Variants in LNPEP observed in about 807,000 individuals in gnomAD.
LNPEP encodes leucyl-cystinyl aminopeptidase.
In LNPEP, 64 loss-of-function variants were observed where a neutral mutation model predicts 120.6. The observed-to-expected ratio is 0.53, with a 90% CI of 0.43 to 0.65. The LOEUF is 0.65. LNPEP is among the 30% of genes least tolerant of loss of function. The pLI is 0.00. For missense variants in LNPEP, 1,057 were observed against 1,200.0 expected, an observed-to-expected ratio of 0.88 and a Z score of 1.76; for synonymous variants, 435 against 425.4, an observed-to-expected ratio of 1.02 and a Z score of -0.28.
intron 1 of LNPEP, among the ~76,000 whole-genome samples, chr5:96,971,014 C>A (rs1333740184): frequency 1.3e-5 from 2 of 151,992 alleles, no homozygotes; most frequent in African/African-American, 4.8e-5. Context: ...TCCTGAAGAA[C>A]CTCCTTTAAA....
chr5:97,022,939 T>C (rs980754455), intron 14 of LNPEP, among the ~76,000 whole-genome samples: 2 of 151,876 alleles, frequency 1.3e-5, no homozygotes, highest in Non-Finnish European at 2.9e-5. Flanking sequence ...ACATAAAATT[T>C]ACTGTCTTAA....
At position 97,026,753 on chromosome 5, in the gene LNPEP, C is replaced by T. The variant is rs767210931; in HGVS notation, c.2860C>T (p.Gln954Ter). The T allele has an allele frequency of 6.2e-7, 1 of 1,610,414 alleles. No homozygotes were observed. The highest frequency in any genetic ancestry group is 1.1e-5 in the South Asian group (1 of 90,606). Residue 954 changes from glutamine to a stop codon, truncating the protein, a stop_gained, in exon 16 of 18, where the codon CAG becomes TAG. Coordinates refer to ENST00000231368, the MANE Select transcript of LNPEP (RefSeq NM_005575.3). LOFTEE classifies it high-confidence loss of function. ...CAAAGAGAACTGGAATAAGCTTGTA[C>T]AGAAGTAAGTTTCTCAGAGAATTAT... ...FVKENWNKLV[Q>*]KFPLGSYTIQ... is the part of the protein sequence containing the mutation.
intron 1 of LNPEP, chr5:96,943,176 T>C (rs940869835): frequency 7.1e-5 from 35 of 492,434 alleles, no homozygotes; most frequent in Non-Finnish European, 1.0e-4. Context: ...GAAGTCACCA[T>C]TGCAGATGCT....
At chr5:96,940,589 G>A (rs969629316) in intron 1 of LNPEP, among the ~76,000 whole-genome samples, 1 of 152,220 alleles carries the variant, frequency 6.6e-6, no homozygotes, top group Admixed American at 6.5e-5. Flanking sequence ...GTCTAAGACA[G>A]TATTCTAATT....
At chr5:97,025,069 C>G (rs1336915333) in intron 15 of LNPEP, among the ~76,000 whole-genome samples, 2 of 152,136 alleles carry the variant, frequency 1.3e-5, no homozygotes, top group Non-Finnish European at 2.9e-5. Flanking sequence ...ATTAAACCTT[C>G]TAGGTTCTAC....
intron 1 of LNPEP, among the ~76,000 whole-genome samples, chr5:96,971,121 A>G (rs955213336): frequency 5.3e-5 from 8 of 151,946 alleles, no homozygotes; most frequent in Admixed American, 1.3e-4. Context: ...TTGATTTTGA[A>G]GCATATTTTC....
At chr5:96,989,133 C>T (rs539724161) in intron 4 of LNPEP, among the ~76,000 whole-genome samples, 1 of 150,776 alleles carries the variant, frequency 6.6e-6, no homozygotes, top group Admixed American at 6.6e-5. Flanking sequence ...TAAACATAGA[C>T]TCTGGAGTCT....
chr5:96,988,513 T>A (rs917633484), intron 4 of LNPEP, among the ~76,000 whole-genome samples: 1 of 151,828 alleles, frequency 6.6e-6, no homozygotes, highest in African/African-American at 2.4e-5. Context: ...TAATTTTTTG[T>A]ATTTTTGGTA....
At chr5:96,981,415 G>C (rs1406920454) in intron 2 of LNPEP, among the ~76,000 whole-genome samples, 1 of 152,038 alleles carries the variant, frequency 6.6e-6, no homozygotes, top group South Asian at 2.1e-4. Context: ...GTAAAATACT[G>C]TTTTATAATA....
intron 1 of LNPEP, among the ~76,000 whole-genome samples, chr5:96,953,265 GA>G (rs1275599741): frequency 2.0e-5 from 3 of 152,236 alleles, no homozygotes; most frequent in Non-Finnish European, 2.9e-5. Context: ...CGGGTTTTAT[GA>G]AAGAGAGCTT....
At chr5:96,991,887 CT>C (rs1428746755) in intron 4 of LNPEP, among the ~76,000 whole-genome samples, 3 of 152,150 alleles carry the variant, frequency 2.0e-5, no homozygotes, top group Non-Finnish European at 2.9e-5. Context: ...CACCAATGTG[CT>C]TTTTCCAAAT....
At position 97,030,482 on chromosome 5, in the gene LNPEP, G is replaced by A. The variant is rs1385729072; in HGVS notation, c.*1949G>A. The A allele has an allele frequency of 6.6e-6, 1 of 152,038 alleles. No individual in the cohort carries two copies. Among genetic ancestry groups the A allele is most frequent in the Non-Finnish European group, 1.5e-5 (1 of 67,998 alleles). 9.4% of individuals were successfully genotyped at this position (152,038 alleles called of 1,614,324 possible). A position where few individuals can be genotyped will look rare whatever the true frequency, so the allele number is the denominator to read the frequency against. On this transcript the variant is annotated 3_prime_UTR_variant, in exon 18 of 18. Transcript: ENST00000231368. ...CACTTTGATACAAAATTTAAATTTT[G>A]TAACTTCTCAAAATCACTTAAGATT... is the stretch of plus-strand genomic sequence containing the variant.
intron 11 of LNPEP, among the ~76,000 whole-genome samples, chr5:97,013,003 G>A (rs1790976852): frequency 6.6e-6 from 1 of 152,132 alleles, no homozygotes; most frequent in African/African-American, 2.4e-5. Flanking sequence ...AGGCCAAAAT[G>A]GGACACATTT....
At chr5:97,028,285 C>T in intron 17 of LNPEP, 117 bp from the exon 18 acceptor site, 1 of 896,326 alleles carries the variant, frequency 1.1e-6, no homozygotes, top group Non-Finnish European at 1.8e-6. Context: ...CTTCTTTCTA[C>T]TGCTTTCAAG....
rs554369656 is a variant in LNPEP at position 97,018,474 on chromosome 5, G to A, written c.2376+3379G>A. On this transcript the variant is annotated intron_variant, in intron 13 of 17. Coordinates refer to ENST00000231368, the MANE Select transcript of LNPEP (RefSeq NM_005575.3). ...CTAGGGACTGATGGATAGAGAGGAA[G>A]GGCAGAAGACTTAGTATGTGTTTCC... 3.2e-3 allele frequency among the ~76,000 whole-genome samples: 487 copies of A among 152,212 alleles called. 3 individuals carry two copies. The highest frequency in any genetic ancestry group is 0.011 in the African/African-American group (456 of 41,546).
intron 11 of LNPEP, among the ~76,000 whole-genome samples, chr5:97,011,877 C>T (rs1271365099): frequency 6.6e-6 from 1 of 152,096 alleles, no homozygotes; most frequent in Non-Finnish European, 1.5e-5. Context: ...ACATCTTTTG[C>T]AGTATCGATA....
intron 11 of LNPEP, among the ~76,000 whole-genome samples, chr5:97,013,223 TGACAACTTAGA>T (rs1790982746): frequency 6.6e-6 from 1 of 152,208 alleles, no homozygotes; most frequent in Non-Finnish European, 1.5e-5. Context: ...CTTAGAAGAA[TGACAACTTAGA>T]TGTCATTTCT....
intron 15 of LNPEP, among the ~76,000 whole-genome samples, chr5:97,026,076 C>T (rs1791333487): frequency 6.6e-6 from 1 of 152,084 alleles, no homozygotes; most frequent in Non-Finnish European, 1.5e-5. Flanking sequence ...TCAGTTTCTT[C>T]AACTATAAAA....
In LNPEP at chr5:96,936,185, T is replaced by G; in HGVS notation, c.19+11T>G. 6.9e-7 allele frequency: 1 copy of G among 1,444,938 alleles called. No homozygotes were observed. The highest frequency in any genetic ancestry group is 9.1e-7 in the Non-Finnish European group (1 of 1,100,860). The allele number at this position is 1,444,938 out of a possible 1,614,324, so 89.5% of individuals were successfully genotyped here. ...AGCCCTTCACCAATGGTGAGTGGGC[T>G]GCCGAGGCGCCGGGACCCGGGCTCT... On this transcript the variant is annotated intron_variant, in intron 1 of 17. Transcript: ENST00000231368.
Sources: allele counts gnomAD v4.1 joint callset (sites outside exome capture counted in the v4.1 genomes callset), GRCh38; gene constraint gnomAD v4.1.1; transcripts MANE v1.5; gene names NCBI Gene and HGNC (gene_info 2026-07-23, HGNC 2026-07-21).